Variants in UBE2K observed in about 807,000 individuals in gnomAD.
UBE2K encodes the protein ubiquitin-conjugating enzyme E2 K.
Under a neutral mutation model 30.0 loss-of-function variants are expected in UBE2K, and 6 were observed. The observed-to-expected ratio is 0.20, with a 90% CI of 0.11 to 0.39. The LOEUF (loss-of-function observed/expected upper bound fraction) is 0.39. UBE2K is among the 10% of genes least tolerant of loss of function. The probability of loss-of-function intolerance (pLI) is 1.00; values close to 1 mark genes in which losing one functional copy is unlikely to be tolerated. For synonymous variants in UBE2K, 86 were observed against 83.7 expected, an observed-to-expected ratio of 1.03 and a Z score of -0.15; for missense variants, 61 against 241.6, an observed-to-expected ratio of 0.25 and a Z score of 4.96.
intron 6 of UBE2K, among the ~76,000 whole-genome samples, chr4:39,778,116 A>G (rs1228159953): frequency 6.6e-6 from 1 of 151,132 alleles, no homozygotes; most frequent in Non-Finnish European, 1.5e-5. Flanking sequence ...AAAAAAAAAA[A>G]AAAAAAAGGA....
rs989880975 is a variant in UBE2K, at chr4:39,781,604, A to G, written c.*3170A>G. 1.3e-5 allele frequency: 3 copies of G among 231,344 alleles called. No individual in the cohort carries two copies. The highest frequency in any genetic ancestry group is 6.7e-5 in the African/African-American group (3 of 44,678). The allele number at this position is 231,344 out of a possible 1,614,324, so 14.3% of individuals were successfully genotyped here. On this transcript the variant is annotated 3_prime_UTR_variant, in exon 7 of 7. Transcript: ENST00000261427. ...ATGTTTTACAATCCTATGTAGCAAA[A>G]TAGGAAATTATGAATTTTTGTTGTT...
At chr4:39,744,952 A>AAATG (rs1229047802) in intron 2 of UBE2K, among the ~76,000 whole-genome samples, 16 of 149,950 alleles carry the variant, frequency 1.1e-4, no homozygotes, top group Non-Finnish European at 1.8e-4. Context: ...ATAAATAAAT[A>AAATG]AATGAAGGAA....
intron 1 of UBE2K, among the ~76,000 whole-genome samples, chr4:39,703,292 G>A (rs750468320): frequency 1.3e-5 from 2 of 151,972 alleles, no homozygotes; most frequent in Admixed American, 6.6e-5. Flanking sequence ...GCTGAGACTC[G>A]ATTGAGGCCA....
At chr4:39,760,195 G>T in intron 4 of UBE2K, among the ~76,000 whole-genome samples, 1 of 102,604 alleles carries the variant, frequency 9.7e-6, no homozygotes, top group East Asian at 3.0e-4. Context: ...AAAAAAAACA[G>T]AAAAAAAAAA....
rs571031145 is a variant in UBE2K, at chr4:39,778,649, T to A, written c.*215T>A. On this transcript the variant is annotated 3_prime_UTR_variant, in exon 7 of 7. Transcript: ENST00000261427. Reference sequence around the variant, plus strand: ...AATTTAAAAAGGGGAAATACTTTAATTTTTTTTCTTAATAGTGTAAAAATT... The same window carrying A: ...AATTTAAAAAGGGGAAATACTTTAAATTTTTTTCTTAATAGTGTAAAAATT... 6.1e-5 allele frequency: 24 copies of A among 391,498 alleles called. 1 individual carries two copies. In the Admixed American group the frequency reaches 8.4e-4, roughly 14 times the overall value. 24.3% of individuals were successfully genotyped at this position (391,498 alleles called of 1,614,324 possible). A position where few individuals can be genotyped will look rare whatever the true frequency, so the allele number is the denominator to read the frequency against.
intron 4 of UBE2K, among the ~76,000 whole-genome samples, chr4:39,772,314 C>T (rs747354010): frequency 1.3e-5 from 2 of 150,080 alleles, no homozygotes; most frequent in Admixed American, 6.7e-5. Flanking sequence ...AATCCCATCA[C>T]TTTCGGGGGC....
At chr4:39,758,511 C>G (rs541452478) in intron 4 of UBE2K, among the ~76,000 whole-genome samples, 1 of 152,264 alleles carries the variant, frequency 6.6e-6, no homozygotes, top group Admixed American at 6.5e-5. Context: ...AACCCCATCT[C>G]TACCAAAAAT....
At chr4:39,751,287 G>A (rs2109367648) in intron 3 of UBE2K, among the ~76,000 whole-genome samples, 1 of 152,224 alleles carries the variant, frequency 6.6e-6, no homozygotes, top group Middle Eastern at 3.4e-3. Context: ...ATAGTACAAA[G>A]TAAGAATTAG....
At chr4:39,718,494 A>T (rs986057193) in intron 1 of UBE2K, among the ~76,000 whole-genome samples, 1 of 152,244 alleles carries the variant, frequency 6.6e-6, no homozygotes, top group African/African-American at 2.4e-5. Context: ...GCTGCCCGCC[A>T]GTCCTGCGCC....
intron 3 of UBE2K, among the ~76,000 whole-genome samples, chr4:39,752,622 C>A (rs988697779): frequency 1.3e-5 from 2 of 152,122 alleles, no homozygotes; most frequent in Admixed American, 6.6e-5. Flanking sequence ...AGGCATGAGC[C>A]ACTGCGCCCA....
chr4:39,706,933 CAG>C (rs1216893983), intron 1 of UBE2K, among the ~76,000 whole-genome samples: 1 of 151,776 alleles, frequency 6.6e-6, no homozygotes, highest in Non-Finnish European at 1.5e-5. Flanking sequence ...TGTTTTGAGT[CAG>C]AGTCTCTGTC....
chr4:39,698,566 G>A (rs944493673), intron 1 of UBE2K, among the ~76,000 whole-genome samples, 176 bp downstream of exon 1: 1 of 152,086 alleles, frequency 6.6e-6, no homozygotes, highest in Non-Finnish European at 1.5e-5. Flanking sequence ...TCCCCTCCCA[G>A]AGCGCTAGGA....
chr4:39,721,948 G>A (rs1335822250), intron 1 of UBE2K, among the ~76,000 whole-genome samples: 1 of 152,044 alleles, frequency 6.6e-6, no homozygotes, highest in African/African-American at 2.4e-5. Context: ...AAATAGTTGG[G>A]TGTGGTGGCA....
intron 5 of UBE2K, among the ~76,000 whole-genome samples, 154 bp downstream of exon 5, chr4:39,775,087 A>G (rs2109414787): frequency 6.6e-6 from 1 of 152,386 alleles, no homozygotes. Flanking sequence ...CAGGTGTAAT[A>G]GTGAAAATAG....
At chr4:39,741,646 T>C (rs536362666) in intron 2 of UBE2K, among the ~76,000 whole-genome samples, 1 of 152,278 alleles carries the variant, frequency 6.6e-6, no homozygotes, top group African/African-American at 2.4e-5. Context: ...TGAAGTAGAG[T>C]ACTCACGGGA....
At chr4:39,713,979 T>G (rs992657230) in intron 1 of UBE2K, 1 of 152,070 alleles carries the variant, frequency 6.6e-6, no homozygotes, top group African/African-American at 2.4e-5. Flanking sequence ...AACCTCAACC[T>G]CCTGGGCTCA....
At chr4:39,712,320 G>A (rs1324079301) in intron 1 of UBE2K, among the ~76,000 whole-genome samples, 1 of 136,978 alleles carries the variant, frequency 7.3e-6, no homozygotes, top group African/African-American at 2.8e-5. Context: ...TCCTGCCTCA[G>A]CCTCCCAAGT....
intron 1 of UBE2K, chr4:39,714,542 A>ATTTTTTTTTTTTTTTTT (rs1275060030): frequency 4.9e-5 from 1 of 20,214 alleles, no homozygotes; most frequent in Non-Finnish European, 7.4e-5. Context: ...ATATATATAT[A>ATTTTTTTTTTTTTTTTT]TATATATATT....
At chr4:39,704,223 T>A (rs1718203804) in intron 1 of UBE2K, among the ~76,000 whole-genome samples, 1 of 152,064 alleles carries the variant, frequency 6.6e-6, no homozygotes, top group Admixed American at 6.6e-5. Context: ...GCCACTGCAC[T>A]CCAGCCTGGG....
Sources: allele counts gnomAD v4.1 joint callset (sites outside exome capture counted in the v4.1 genomes callset), GRCh38; gene constraint gnomAD v4.1.1; transcripts MANE v1.5; gene names NCBI Gene and HGNC (gene_info 2026-07-23, HGNC 2026-07-21).